The following SBF2 variants were observed in gnomAD, a reference collection of about 807,000 sequenced individuals.
SBF2 encodes the protein myotubularin-related protein 13.
A neutral mutation model predicts 225.2 loss-of-function variants in SBF2; 112 were observed. The observed-to-expected ratio is 0.50, with a 90% confidence interval of 0.43 to 0.58. The LOEUF is 0.58. Among genes scored for constraint, SBF2 ranks in the 20% least tolerant of loss-of-function variants. The probability of loss-of-function intolerance (pLI) is 0.00; values close to 1 mark genes in which losing one functional copy is unlikely to be tolerated. For missense variants in SBF2, 1,996 were observed against 2,206.2 expected, an observed-to-expected ratio of 0.90 and a Z score of 1.91; for synonymous variants, 763 against 773.3, an observed-to-expected ratio of 0.99 and a Z score of 0.22.
At chr11:9,923,557 C>A (rs1863798124) in intron 16 of SBF2, among the ~76,000 whole-genome samples, 1 of 152,226 alleles carries the variant, frequency 6.6e-6, no homozygotes, top group East Asian at 1.9e-4. Context: ...GAGTAAGCAA[C>A]CTTAAAGAAT....
intron 17 of SBF2, among the ~76,000 whole-genome samples, chr11:9,891,862 C>T (rs1250881960): frequency 2.6e-5 from 4 of 152,172 alleles, no homozygotes; most frequent in African/African-American, 9.7e-5. Context: ...AAACCTTGAA[C>T]ACTCTGACAC....
intron 13 of SBF2, among the ~76,000 whole-genome samples, chr11:9,979,408 T>A (rs1441547313): frequency 6.6e-6 from 1 of 152,164 alleles, no homozygotes; most frequent in Non-Finnish European, 1.5e-5. Flanking sequence ...TTATAATAGG[T>A]CAAAAGAAAT....
intron 2 of SBF2, among the ~76,000 whole-genome samples, chr11:10,090,764 C>CAAAAAAGAAA (rs1951750065): frequency 2.3e-5 from 1 of 44,428 alleles, no homozygotes; most frequent in African/African-American, 8.9e-5. Flanking sequence ...GATTCCATCT[C>CAAAAAAGAAA]AAAAAAAAAA....
In SBF2 at chr11:9,937,044, A is replaced by G. The variant is rs182233149; in HGVS notation, c.1860+24913T>C. Reference sequence around the variant, plus strand: ...TTCTAACACATGAATTCTGAGGAACATACTCAAAGTATAGGAAGGGCCAAC... The same window carrying G: ...TTCTAACACATGAATTCTGAGGAACGTACTCAAAGTATAGGAAGGGCCAAC... On this transcript the variant is annotated intron_variant, in intron 16 of 39. Transcript: ENST00000256190. Among the ~76,000 whole-genome samples the G allele has an allele frequency of 2.5e-3, 379 of 152,338 alleles. 3 individuals carry two copies. Among genetic ancestry groups the G allele is most frequent in the South Asian group, 9.1e-3 (44 of 4,828 alleles).
chr11:10,194,093 A>G, intron 1 of SBF2, 106 bp from the exon 2 acceptor site: 1 of 815,516 alleles, frequency 1.2e-6, no homozygotes, highest in Non-Finnish European at 2.1e-6. Flanking sequence ...ATAAGTTAAT[A>G]AACTGATTAA....
In SBF2 at chr11:10,303,214, G is replaced by A. The variant is rs1591386832; in HGVS notation, n.386+1278C>T. 1 of 152,270 alleles carries A rather than the reference G, an allele frequency of 6.6e-6. No homozygotes were observed. Among genetic ancestry groups the A allele is most frequent in the South Asian group, 2.1e-4 (1 of 4,822 alleles). The allele number at this position is 152,270 out of a possible 1,614,324, so 9.4% of individuals were successfully genotyped here. A position where few individuals can be genotyped will look rare whatever the true frequency, so the allele number is the denominator to read the frequency against. ...GCCCGGCCAGGCCACTTCGGTGACT[G>A]CCCTGCGCCCAGCCGGGCGGCCGGA... On this transcript the variant is annotated intron_variant and non_coding_transcript_variant, in intron 1 of 5. Transcript: ENST00000685217. This position sits in a 1 kb window ranked among gnomAD's most constrained non-coding sequence, Gnocchi z 5.2.
At chr11:10,244,445 A>G (rs1407437753) in intron 1 of SBF2, among the ~76,000 whole-genome samples, 1 of 152,202 alleles carries the variant, frequency 6.6e-6, no homozygotes, top group Non-Finnish European at 1.5e-5. Context: ...ATTTGTTTCT[A>G]GGTACTCTAT....
intron 17 of SBF2, among the ~76,000 whole-genome samples, chr11:9,868,177 T>C (rs1419439830): frequency 6.6e-6 from 1 of 151,938 alleles, no homozygotes; most frequent in African/African-American, 2.4e-5. Flanking sequence ...TAGTCATTGT[T>C]CAAATTTACA....
At chr11:10,026,030 GTT>G (rs374047187) in intron 6 of SBF2, among the ~76,000 whole-genome samples, 14,662 of 144,674 alleles carry the variant, frequency 0.1, 907 homozygotes, top group Middle Eastern at 0.25. Flanking sequence ...ATCTACAGTA[GTT>G]TTTTTTTTTT....
chr11:10,281,522 A>C (rs1963406835), intron 1 of SBF2, among the ~76,000 whole-genome samples: 1 of 152,176 alleles, frequency 6.6e-6, no homozygotes, highest in Non-Finnish European at 1.5e-5. Flanking sequence ...AAAACCATCA[A>C]GGAGAAGAAT....
At chr11:9,931,843 G>C (rs1043613172) in intron 16 of SBF2, among the ~76,000 whole-genome samples, 4 of 151,004 alleles carry the variant, frequency 2.6e-5, no homozygotes, top group African/African-American at 9.7e-5. Flanking sequence ...CAAGCTAAAG[G>C]AGCATGTTCA....
intron 2 of SBF2, among the ~76,000 whole-genome samples, chr11:10,113,621 G>A (rs935085595): frequency 4.0e-5 from 6 of 151,870 alleles, no homozygotes; most frequent in South Asian, 2.1e-4. Context: ...AACATGATCC[G>A]TGCCCTTATA....
intron 2 of SBF2, among the ~76,000 whole-genome samples, chr11:10,059,072 C>T (rs1464841165): frequency 1.3e-5 from 2 of 152,156 alleles, no homozygotes; most frequent in Non-Finnish European, 2.9e-5. Flanking sequence ...AACACACAGA[C>T]CAGTGTCACT....
intron 16 of SBF2, among the ~76,000 whole-genome samples, chr11:9,918,807 C>T (rs1257013981): frequency 1.3e-5 from 2 of 151,152 alleles, no homozygotes; most frequent in African/African-American, 2.4e-5. Flanking sequence ...GGCGTGATCT[C>T]GGCTCGCTGC....
chr11:10,074,145 G>T (rs971081275), intron 2 of SBF2, among the ~76,000 whole-genome samples: 12 of 152,130 alleles, frequency 7.9e-5, no homozygotes, highest in African/African-American at 2.4e-4. Context: ...TAATAGAGCG[G>T]GAAAGAAAGA....
At chr11:10,194,491 A>T (rs1312705052) in intron 1 of SBF2, among the ~76,000 whole-genome samples, 3 of 152,180 alleles carry the variant, frequency 2.0e-5, no homozygotes, top group Non-Finnish European at 4.4e-5. Flanking sequence ...ACTATACAGA[A>T]ATAACAGGCA....
At chr11:10,235,154 T>A (rs1959012584) in intron 1 of SBF2, among the ~76,000 whole-genome samples, 1 of 152,258 alleles carries the variant, frequency 6.6e-6, no homozygotes, top group Non-Finnish European at 1.5e-5. Context: ...GAGTATTGAA[T>A]AAATAACTAA....
intron 1 of SBF2, among the ~76,000 whole-genome samples, chr11:10,204,535 A>C (rs1957681887): frequency 1.3e-5 from 2 of 151,288 alleles, no homozygotes; most frequent in South Asian, 4.2e-4. Context: ...GCTACTCAGG[A>C]GGCTGAGGCA....
At chr11:10,080,776 C>G (rs922968561) in intron 2 of SBF2, among the ~76,000 whole-genome samples, 3 of 151,828 alleles carry the variant, frequency 2.0e-5, no homozygotes, top group African/African-American at 7.3e-5. Flanking sequence ...AAAACATATT[C>G]CATGCAAACA....
Sources: gnomAD v4.1 joint callset for allele counts (sites outside exome capture counted in the v4.1 genomes callset) on GRCh38, gnomAD v4.1.1 for gene constraint, Gnocchi (gnomAD v3.1) non-coding constraint, MANE v1.5 for transcripts, NCBI Gene and HGNC (gene_info 2026-07-23, HGNC 2026-07-21) for gene names.